TAFA2: variants seen among roughly 807,000 people sequenced by gnomAD.
The protein encoded by TAFA2 is TAFA chemokine like family member 2.
TAFA2 carries 7 observed loss-of-function variants against 18.8 expected under a neutral mutation model. The ratio of observed to expected loss-of-function variants is 0.37; its 90% confidence interval spans 0.21 to 0.70. TAFA2 has a LOEUF of 0.70. Among genes scored for constraint, TAFA2 ranks in the 30% least tolerant of loss-of-function variants. TAFA2 has a pLI of 0.53. For synonymous variants in TAFA2, 60 were observed against 54.2 expected (o/e 1.11, Z -0.47); for missense variants, 122 against 158.1 (o/e 0.77, Z 1.23).
chr12:62,102,488 C>G (rs1869253494), intron 1 of TAFA2, among the ~76,000 whole-genome samples: 1 of 152,132 alleles, frequency 6.6e-6, no homozygotes, highest in African/African-American at 2.4e-5. Context: ...CAGCTGGTGA[C>G]TAGGGTAACG....
chr12:62,026,027 A>G (rs1881301052), intron 1 of TAFA2, among the ~76,000 whole-genome samples: 1 of 152,146 alleles, frequency 6.6e-6, no homozygotes, highest in Admixed American at 6.5e-5. Context: ...GCAGGAACCC[A>G]ATCAATGAGG....
Position 61,709,784 on chromosome 12 carries a change from A to G in TAFA2, c.*622T>C, listed in dbSNP as rs1016365008. On this transcript the variant is annotated 3_prime_UTR_variant, in exon 5 of 5. Coordinates refer to ENST00000416284, the MANE Select transcript of TAFA2 (RefSeq NM_178539.5). ...ACATTCTTATATGATTGATTTATTC[A>G]GATAACTATTACTTGCCAACATTAT... The G allele has an allele frequency of 6.6e-6, 1 of 152,168 alleles. No homozygotes were observed. The highest frequency in any genetic ancestry group is 1.5e-5 in the Non-Finnish European group (1 of 68,032). The allele number at this position is 152,168 out of a possible 1,614,324, so 9.4% of individuals were successfully genotyped here.
chr12:61,922,484 G>T (rs1253499267), intron 1 of TAFA2, among the ~76,000 whole-genome samples: 1 of 152,198 alleles, frequency 6.6e-6, no homozygotes, highest in Non-Finnish European at 1.5e-5. Flanking sequence ...CCTCACCCAA[G>T]AAGTGCAAGG....
Position 61,989,109 on chromosome 12 carries a change from T to C in TAFA2, c.-1-121683A>G, listed in dbSNP as rs140427408. The stretch of plus-strand genomic sequence containing the variant: ...TATTGATCATACCTCTTTAACATGA[T>C]AAATTTAAAGGAACACTGCAGCTTG... On this transcript the variant is annotated intron_variant, in intron 1 of 4. Transcript: ENST00000416284. Among the ~76,000 whole-genome samples the C allele has an allele frequency of 6.9e-3, 1,046 of 152,278 alleles. 10 individuals carry two copies. The highest frequency in any genetic ancestry group is 0.034 in the Middle Eastern group (10 of 294).
intron 1 of TAFA2, among the ~76,000 whole-genome samples, chr12:61,897,287 A>G (rs1875888694): frequency 6.6e-6 from 1 of 152,212 alleles, no homozygotes; most frequent in African/African-American, 2.4e-5. Context: ...CTTCATAAAT[A>G]TGACATTATA....
At chr12:62,227,842 C>T (rs1006697704) in intron 1 of TAFA2, among the ~76,000 whole-genome samples, 10 of 152,126 alleles carry the variant, frequency 6.6e-5, no homozygotes, top group Non-Finnish European at 1.5e-4. Context: ...GTAGTTTTCT[C>T]AGTATCATTT....
chr12:61,813,014 T>A (rs1871937004), intron 2 of TAFA2, among the ~76,000 whole-genome samples: 1 of 151,572 alleles, frequency 6.6e-6, no homozygotes, highest in Admixed American at 6.6e-5. Flanking sequence ...GCAAAAATAG[T>A]TTCAAACAAT....
In TAFA2 at chr12:61,877,901, TTTTATATA is replaced by T. The variant is rs201172645; in HGVS notation, c.-1-10483_-1-10476del. Among the ~76,000 whole-genome samples, 8 of 144,056 alleles carry T rather than the reference TTTTATATA, an allele frequency of 5.6e-5. No homozygotes were observed. In the South Asian group the frequency reaches 8.6e-4, roughly 15 times the overall value. 94.5% of individuals were successfully genotyped at this position (144,056 alleles called of 152,430 possible). The stretch of plus-strand genomic sequence containing the variant: ...GGTGAATGGATAAACAAATTGTGAT[TTTTATATA>T]TATATATATATATATACACACACAC... On this transcript the variant is annotated intron_variant, in intron 1 of 4. Coordinates refer to ENST00000416284, the MANE Select transcript of TAFA2 (RefSeq NM_178539.5).
chr12:61,762,970 G>A (rs1869625855), intron 2 of TAFA2, among the ~76,000 whole-genome samples: 1 of 151,730 alleles, frequency 6.6e-6, no homozygotes, highest in Admixed American at 6.6e-5. Context: ...CTAGTTAGTG[G>A]ATTTAGGTTG....
chr12:62,253,684 T>C (rs2062925564), intron 1 of TAFA2: 1 of 152,240 alleles, frequency 6.6e-6, no homozygotes, highest in Non-Finnish European at 1.5e-5. Flanking sequence ...TGTCTCCTAC[T>C]TTTAAGGATT....
At chr12:61,819,290 C>T (rs1170194943) in intron 2 of TAFA2, among the ~76,000 whole-genome samples, 1 of 152,134 alleles carries the variant, frequency 6.6e-6, no homozygotes, top group African/African-American at 2.4e-5. Flanking sequence ...ATCGTGACTA[C>T]CCAGAAACAG....
At chr12:61,761,816 G>A (rs1869559974) in intron 2 of TAFA2, among the ~76,000 whole-genome samples, 1 of 152,022 alleles carries the variant, frequency 6.6e-6, no homozygotes, top group South Asian at 2.1e-4. Context: ...GTTTATATCT[G>A]TGTCCCCACT....
At chr12:61,802,532 TC>T (rs776835910) in intron 2 of TAFA2, among the ~76,000 whole-genome samples, 9 of 151,948 alleles carry the variant, frequency 5.9e-5, no homozygotes, top group Non-Finnish European at 1.2e-4. Flanking sequence ...ATGTTCTCAC[TC>T]ATATGAGGGA....
chr12:62,127,710 T>TAA (rs1347306399), intron 1 of TAFA2, among the ~76,000 whole-genome samples: 1 of 152,002 alleles, frequency 6.6e-6, no homozygotes, highest in Non-Finnish European at 1.5e-5. Flanking sequence ...TGCCTGGGGC[T>TAA]AAAATGTGTC....
chr12:62,238,685 C>A (rs2062848730), intron 1 of TAFA2, among the ~76,000 whole-genome samples: 1 of 152,144 alleles, frequency 6.6e-6, no homozygotes, highest in Admixed American at 6.5e-5. Flanking sequence ...AGAAATTATA[C>A]TTTATTTATC....
At chr12:62,058,017 T>G (rs1179012019) in intron 1 of TAFA2, among the ~76,000 whole-genome samples, 1 of 152,228 alleles carries the variant, frequency 6.6e-6, no homozygotes, top group South Asian at 2.1e-4. Context: ...CATTTTGCTC[T>G]CATTCTAAAA....
chr12:61,746,509 C>T (rs1008280243), intron 4 of TAFA2, among the ~76,000 whole-genome samples: 52 of 152,188 alleles, frequency 3.4e-4, no homozygotes, highest in African/African-American at 1.2e-3. Flanking sequence ...TCCCCAAAGT[C>T]TCTGGAAAGA....
At chr12:62,183,747 T>C (rs771427031) in intron 1 of TAFA2, among the ~76,000 whole-genome samples, 4 of 152,296 alleles carry the variant, frequency 2.6e-5, no homozygotes, top group Middle Eastern at 3.4e-3. Context: ...TAAATACTTA[T>C]TGAATAAATG....
chr12:62,015,271 C>G (rs939915342), intron 1 of TAFA2, among the ~76,000 whole-genome samples: 1 of 152,160 alleles, frequency 6.6e-6, no homozygotes. Context: ...AGGATCATGT[C>G]TATTTTGTGC....
Sources: allele counts gnomAD v4.1 joint callset (sites outside exome capture counted in the v4.1 genomes callset), GRCh38; gene constraint gnomAD v4.1.1; transcripts MANE v1.5; gene names NCBI Gene and HGNC (gene_info 2026-07-23, HGNC 2026-07-21).